Variants in LRRC36 observed in about 807,000 individuals in gnomAD.
The protein encoded by LRRC36 is leucine rich repeat containing 36.
LRRC36 carries 62 observed loss-of-function variants against 81.1 expected under a neutral mutation model. The observed-to-expected ratio is 0.76, with a 90% CI of 0.62 to 0.94. The LOEUF (loss-of-function observed/expected upper bound fraction) is 0.94. LRRC36 is among the 40% of genes least tolerant of loss of function. The pLI is 0.00. For synonymous variants in LRRC36, 334 were observed against 348.6 expected (o/e 0.96, Z 0.47); for missense variants, 761 against 881.7 (o/e 0.86, Z 1.73).
chr16:67,329,606 G>T (rs977534179), intron 1 of LRRC36, among the ~76,000 whole-genome samples: 8 of 151,958 alleles, frequency 5.3e-5, no homozygotes, highest in Admixed American at 3.3e-4. Flanking sequence ...TTCCCCAGTT[G>T]TCCTATAATT....
At chr16:67,333,937 A>G (rs1055408360) in intron 1 of LRRC36, among the ~76,000 whole-genome samples, 2 of 152,158 alleles carry the variant, frequency 1.3e-5, no homozygotes, top group African/African-American at 2.4e-5. Flanking sequence ...ATTATTAACT[A>G]AAGTCCATAG....
chr16:67,335,033 G>A (rs952611672), intron 1 of LRRC36, among the ~76,000 whole-genome samples: 14 of 152,168 alleles, frequency 9.2e-5, no homozygotes, highest in Non-Finnish European at 1.8e-4. Context: ...AGGACCACAG[G>A]ACCGGGGTGA....
At chr16:67,382,988 A>G (rs964494384) in intron 13 of LRRC36, among the ~76,000 whole-genome samples, 1 of 149,994 alleles carries the variant, frequency 6.7e-6, no homozygotes, top group Non-Finnish European at 1.5e-5. Flanking sequence ...CAGGAGGATC[A>G]CTTGATCTTG....
At chr16:67,345,213 C>T (rs1425378384) in intron 2 of LRRC36, among the ~76,000 whole-genome samples, 1 of 151,412 alleles carries the variant, frequency 6.6e-6, no homozygotes, top group African/African-American at 2.4e-5. Context: ...TACTCAGGGG[C>T]TGAGGCGAGA....
intron 6 of LRRC36, 66 bp from the exon 7 acceptor site, chr16:67,365,238 G>A: frequency 1.0e-6 from 1 of 993,794 alleles, no homozygotes; most frequent in Non-Finnish European, 1.6e-6. Flanking sequence ...TGAACCCCTA[G>A]TCTAATAAGC....
intron 1 of LRRC36, among the ~76,000 whole-genome samples, chr16:67,329,663 A>G (rs2037379729): frequency 6.6e-6 from 1 of 152,090 alleles, no homozygotes; most frequent in Non-Finnish European, 1.5e-5. Flanking sequence ...CATGCCTGTA[A>G]TCCCAGCACT....
At chr16:67,348,196 C>T (rs891339899) in intron 4 of LRRC36, among the ~76,000 whole-genome samples, 1 of 152,054 alleles carries the variant, frequency 6.6e-6, no homozygotes, top group African/African-American at 2.4e-5. Context: ...TTTAATAATA[C>T]AGAAAAGTAC....
chr16:67,365,488 A>T, intron 7 of LRRC36, 133 bp downstream of exon 7: 1 of 712,630 alleles, frequency 1.4e-6, no homozygotes. Flanking sequence ...TTTGTGAGGG[A>T]CTGTCCTGGA....
intron 4 of LRRC36, among the ~76,000 whole-genome samples, chr16:67,348,310 A>C (rs1017805835): frequency 1.1e-4 from 16 of 152,316 alleles, no homozygotes; most frequent in African/African-American, 3.8e-4. Context: ...AGACACATAT[A>C]GATAATATCA....
intron 1 of LRRC36, among the ~76,000 whole-genome samples, chr16:67,331,247 C>T (rs1184801459): frequency 6.6e-6 from 1 of 152,134 alleles, no homozygotes; most frequent in Non-Finnish European, 1.5e-5. Context: ...TTGGCAATTA[C>T]GTTTCAACAT....
At chr16:67,373,472 C>T (rs965646652) in intron 9 of LRRC36, among the ~76,000 whole-genome samples, 2 of 151,160 alleles carry the variant, frequency 1.3e-5, no homozygotes, top group Non-Finnish European at 2.9e-5. Context: ...CTTTGGGAGG[C>T]GAGGCAGGCA....
At chr16:67,336,217 A>C (rs999006416) in intron 1 of LRRC36, among the ~76,000 whole-genome samples, 4 of 152,150 alleles carry the variant, frequency 2.6e-5, no homozygotes, top group African/African-American at 9.7e-5. Flanking sequence ...TGGATGTACC[A>C]TTGTTTGCTT....
intron 13 of LRRC36, among the ~76,000 whole-genome samples, chr16:67,382,642 A>T (rs1231002450): frequency 6.6e-6 from 1 of 152,174 alleles, no homozygotes; most frequent in Non-Finnish European, 1.5e-5. Flanking sequence ...AAAGAACTCA[A>T]AGTGCGTTGT....
At chr16:67,373,871 G>C (rs186731660) in intron 9 of LRRC36, among the ~76,000 whole-genome samples, 33 of 152,192 alleles carry the variant, frequency 2.2e-4, no homozygotes, top group Admixed American at 4.6e-4. Flanking sequence ...AATTAGCTGG[G>C]CATGGTGGTG....
At chr16:67,351,382 T>C (rs931488917) in intron 5 of LRRC36, among the ~76,000 whole-genome samples, 6 of 152,184 alleles carry the variant, frequency 3.9e-5, no homozygotes, top group African/African-American at 1.4e-4. Context: ...TATCATTTAT[T>C]GACAAATGAT....
At chr16:67,333,845 C>G (rs542713792) in intron 1 of LRRC36, among the ~76,000 whole-genome samples, 1 of 152,184 alleles carries the variant, frequency 6.6e-6, no homozygotes, top group East Asian at 1.9e-4. Flanking sequence ...CCTTGCACCT[C>G]TCCCCACCCA....
At position 67,376,744 on chromosome 16, in the gene LRRC36, C is replaced by T; in HGVS notation, c.1678C>T (p.Leu560Phe). 1.9e-6 allele frequency: 3 copies of T among 1,612,226 alleles called. No individual in the cohort carries two copies. Among genetic ancestry groups the T allele is most frequent in the Non-Finnish European group, 2.5e-6 (3 of 1,178,474 alleles). The change falls in exon 11 of 14, where the codon CTT (leucine) becomes TTT (phenylalanine). Residue 560 changes from leucine to phenylalanine, a missense_variant. Leu to Phe is a conservative substitution (Grantham distance 22). This residue lies in a region of LRRC36 where 359 missense variants were observed against 388.4 expected (regional missense o/e 0.92). Transcript: ENST00000329956. ...TTTGGCAGGTCCTGCCCGAGATTTGCTTCTGTCTTTGGTAGTCCCGGCTCC... is the reference window on the plus strand; with the variant it reads ...TTTGGCAGGTCCTGCCCGAGATTTGTTTCTGTCTTTGGTAGTCCCGGCTCC... Reference protein sequence around the residue: ...KKFLGPARDLLLSLVVPAPSQ... With the variant: ...KKFLGPARDLFLSLVVPAPSQ...
At chr16:67,347,297 G>T in intron 3 of LRRC36, 198 bp from the exon 4 acceptor site, 2 of 957,008 alleles carry the variant, frequency 2.1e-6, no homozygotes, top group Non-Finnish European at 2.9e-6. Flanking sequence ...GGCAGTGGTC[G>T]CTATGGCTTC....
At chr16:67,367,522 AAT>A (rs2039456611) in intron 8 of LRRC36, 65 bp downstream of exon 8, 1 of 1,424,302 alleles carries the variant, frequency 7.0e-7, no homozygotes, top group Admixed American at 2.2e-5. Context: ...TATAAGTGAA[AAT>A]TTTGGAATTA....
Sources: allele counts gnomAD v4.1 joint callset (sites outside exome capture counted in the v4.1 genomes callset), GRCh38; gene constraint gnomAD v4.1.1; regional missense constraint gnomAD v4.1.1; transcripts MANE v1.5; gene names NCBI Gene and HGNC (gene_info 2026-07-23, HGNC 2026-07-21).